Variants in RAPGEFL1 observed in about 807,000 individuals in gnomAD.
RAPGEFL1 encodes Rap guanine nucleotide exchange factor like 1.
In RAPGEFL1, 31 loss-of-function variants were observed where a neutral mutation model predicts 64.4. The observed-to-expected ratio is 0.48, with a 90% CI of 0.36 to 0.65. The LOEUF is 0.65. Ranked by LOEUF, RAPGEFL1 falls within the 30% of genes least tolerant of loss-of-function variation. The pLI is 0.00. For missense variants in RAPGEFL1, 682 were observed against 677.4 expected, an observed-to-expected ratio of 1.01 and a Z score of -0.08; for synonymous variants, 331 against 274.1, an observed-to-expected ratio of 1.21 and a Z score of -2.05.
intron 4 of RAPGEFL1, among the ~76,000 whole-genome samples, chr17:40,187,538 C>T (rs1043047356): frequency 2.0e-5 from 3 of 152,056 alleles, no homozygotes; most frequent in Non-Finnish European, 4.4e-5. Flanking sequence ...CCATCCATGA[C>T]ACCTCAACTC....
rs756412061 is a variant in RAPGEFL1, at chr17:40,184,214, C to T, written c.600C>T (p.Tyr200=). 1.9e-6 allele frequency: 3 copies of T among 1,606,148 alleles called. No homozygotes were observed. The highest frequency in any genetic ancestry group is 2.7e-5 in the African/African-American group (2 of 74,686). The change falls in exon 3 of 15, where the codon TAC becomes TAT. Residue 200 remains tyrosine, a splice_region_variant and synonymous_variant. Transcript: ENST00000620260. ...TEKFLQELHQ[Y]FVRAGGMEGP... Reference sequence around the variant, plus strand: ...GGATTTTTCTTAACTTAAGGGTCAGCTTTGTTCGGGCAGGAGGCATGGAGG... The same window carrying T: ...GGATTTTTCTTAACTTAAGGGTCAGTTTTGTTCGGGCAGGAGGCATGGAGG...
chr17:40,192,750 C>T (rs891007034), intron 12 of RAPGEFL1, 57 bp downstream of exon 12: 42 of 1,524,578 alleles, frequency 2.8e-5, no homozygotes, highest in Non-Finnish European at 3.5e-5. Context: ...TTCTCCTATG[C>T]CCTGCTTCTG....
chr17:40,193,489 C>G (rs62065226), intron 14 of RAPGEFL1, 72 bp downstream of exon 14: 78,611 of 1,590,680 alleles, frequency 0.049, 2,200 homozygotes, highest in Non-Finnish European at 0.056. Context: ...GGGAGAACTC[C>G]CTGTCCAGAT....
chr17:40,181,549 C>A lies in RAPGEFL1; in HGVS notation c.521-67C>A, dbSNP rs1989894683. 7 of 697,282 alleles carry A rather than the reference C, an allele frequency of 1.0e-5. No individual in the cohort carries two copies. The South Asian group carries it at 1.0e-4, about 10-fold the overall frequency. 43.2% of individuals were successfully genotyped at this position (697,282 alleles called of 1,614,324 possible). A position where few individuals can be genotyped will look rare whatever the true frequency, so the allele number is the denominator to read the frequency against. ...TGCCCTTAGGGGCAAGAGAGGGAGG[C>A]ACTGCATTTCCAGTTTCGTTCTGGA... is the stretch of plus-strand genomic sequence containing the variant. On this transcript the variant is annotated intron_variant, in intron 1 of 14. Coordinates refer to ENST00000620260, the MANE Select transcript of RAPGEFL1 (RefSeq NM_016339.6).
upstream of RAPGEFL1, chr17:40,177,152 G>C (rs1281250878): frequency 4.3e-6 from 3 of 702,496 alleles, no homozygotes; most frequent in South Asian, 4.4e-5. Context: ...ACACTCTTGG[G>C]TTCAGCAATC....
rs79118406 is a variant in RAPGEFL1 at position 40,184,676 on chromosome 17, A to G, written c.831A>G (p.Leu277=). The G allele has an allele frequency of 1.5e-3, 2,420 of 1,562,174 alleles. 53 individuals are homozygous for G. In the East Asian group the frequency reaches 0.051, roughly 33 times the overall value. Residue 277 remains leucine, a splice_region_variant and synonymous_variant, in exon 4 of 15, where the codon CTA becomes CTG. Coordinates refer to ENST00000620260, the MANE Select transcript of RAPGEFL1 (RefSeq NM_016339.6). ...ACCAGCTGGTGGAGACGGTGGAACT[A>G]AAGTGAGGGGGAGTGGGGCAGGGGC... The part of the protein sequence containing the change: ...RLHQLVETVE[L]KIPEENQPPS...
chr17:40,194,276 T>TGTGTGC lies in RAPGEFL1; in HGVS notation c.*493_*494insCGTGTG, dbSNP rs1990386649. Reference sequence around the variant, plus strand: ...GTGTGTGTGTGTGTGTGTGTGTGTGTGTGTGTGTGTGTGTCTTCTTTTAGG... The same window carrying TGTGTGC: ...GTGTGTGTGTGTGTGTGTGTGTGTGTGTGTGCGTGTGTGTGTGTGTCTTCTTTTAGG... On this transcript the variant is annotated 3_prime_UTR_variant, in exon 15 of 15. Coordinates refer to ENST00000620260, the MANE Select transcript of RAPGEFL1 (RefSeq NM_016339.6). 1 of 169,350 alleles carries TGTGTGC rather than the reference T, an allele frequency of 5.9e-6. No individual in the cohort carries two copies. The highest frequency in any genetic ancestry group is 1.2e-5 in the Non-Finnish European group (1 of 80,274). 10.5% of individuals were successfully genotyped at this position (169,350 alleles called of 1,614,324 possible).
chr17:40,193,861 C>A lies in RAPGEFL1; in HGVS notation c.*73C>A. On this transcript the variant is annotated 3_prime_UTR_variant, in exon 15 of 15. Coordinates refer to ENST00000620260, the MANE Select transcript of RAPGEFL1 (RefSeq NM_016339.6). The stretch of plus-strand genomic sequence containing the variant: ...TCAAGCACTTTGCACGATGTCTCAA[C>A]CAACATCTGACATCTTTCCCGTGGA... The A allele has an allele frequency of 1.3e-6, 2 of 1,593,984 alleles. No individual in the cohort carries two copies. Among genetic ancestry groups the A allele is most frequent in the Non-Finnish European group, 1.7e-6 (2 of 1,166,984 alleles).
chr17:40,183,257 C>T (rs989081003), intron 2 of RAPGEFL1, among the ~76,000 whole-genome samples: 6 of 152,140 alleles, frequency 3.9e-5, no homozygotes, highest in Admixed American at 2.0e-4. Flanking sequence ...ATTTATTAGG[C>T]GCACTGTGAG....
intron 13 of RAPGEFL1, 107 bp from the exon 14 acceptor site, chr17:40,193,256 G>A: frequency 8.0e-7 from 1 of 1,256,270 alleles, no homozygotes; most frequent in Non-Finnish European, 1.2e-6. Flanking sequence ...CTCCAGAATT[G>A]GAGACTGGAG....
intron 11 of RAPGEFL1, 75 bp downstream of exon 11, chr17:40,192,338 C>A: frequency 3.4e-6 from 5 of 1,484,820 alleles, no homozygotes; most frequent in Non-Finnish European, 3.8e-6. Flanking sequence ...AACCCCCTTC[C>A]TCAAGCTTTC....
chr17:40,183,835 CTTTTTTTTTTTT>C (rs34505274), intron 2 of RAPGEFL1, among the ~76,000 whole-genome samples: 12 of 56,874 alleles, frequency 2.1e-4, no homozygotes, highest in East Asian at 5.4e-4. Context: ...TTTTTTTTGC[CTTTTTTTTTTTT>C]TTTTTTTTTT....
chr17:40,182,093 G>A (rs1010896235), intron 2 of RAPGEFL1, among the ~76,000 whole-genome samples: 1 of 151,200 alleles, frequency 6.6e-6, no homozygotes, highest in Admixed American at 6.6e-5. Context: ...AAAAAAAAAA[G>A]AAAAGAAAAC....
At position 40,181,665 on chromosome 17, in the gene RAPGEFL1, G is replaced by A. The variant is rs1286183287; in HGVS notation, c.570G>A (p.Thr190=). 1.4e-6 allele frequency: 1 copy of A among 702,752 alleles called. No homozygotes were observed. The highest frequency in any genetic ancestry group is 2.6e-6 in the Non-Finnish European group (1 of 384,858). The allele number at this position is 702,752 out of a possible 1,614,324, so 43.5% of individuals were successfully genotyped here. Residue 190 remains threonine, a synonymous_variant, in exon 2 of 15, where the codon ACG becomes ACA. Transcript: ENST00000620260. The stretch of plus-strand genomic sequence containing the variant: ...TTACCCATTCTCTCTTCCTCCCGAC[G>A]GAGAAATTTCTGCAGGAGCTACACC... ...IVLTHSLFLP[T]EKFLQELHQY... is the part of the protein sequence containing the mutation.
At position 40,177,796 on chromosome 17, in the gene RAPGEFL1, C is replaced by A. The variant is rs1008285890; in HGVS notation, c.-66C>A. On this transcript the variant is annotated 5_prime_UTR_variant, in exon 1 of 15. Coordinates refer to ENST00000620260, the MANE Select transcript of RAPGEFL1 (RefSeq NM_016339.6). The stretch of plus-strand genomic sequence containing the variant: ...GCTCTGAGCATCGTGTCTTCGCCGC[C>A]CCCCCCGCCCGCGCCTGGGATACCT... 33 of 410,506 alleles carry A rather than the reference C, an allele frequency of 8.0e-5. No individual in the cohort carries two copies. Among genetic ancestry groups the A allele is most frequent in the Non-Finnish European group, 4.7e-5 (11 of 232,758 alleles). 25.4% of individuals were successfully genotyped at this position (410,506 alleles called of 1,614,324 possible).
Position 40,192,196 on chromosome 17 carries a change from TC to T in RAPGEFL1, c.1606-15del, listed in dbSNP as rs1163548206. ...GCTCCACTCTGATATCCCTTCTCCT[TC>T]CTTCAAACTCTGCAGAAGCTGCCAG... On this transcript the variant is annotated splice_polypyrimidine_tract_variant and intron_variant, in intron 10 of 14. Transcript: ENST00000620260. 1 of 1,612,248 alleles carries T rather than the reference TC, an allele frequency of 6.2e-7. No homozygotes were observed. The highest frequency in any genetic ancestry group is 2.2e-5 in the East Asian group (1 of 44,870).
chr17:40,179,558 G>A (rs774298539), intron 1 of RAPGEFL1, among the ~76,000 whole-genome samples: 1 of 150,358 alleles, frequency 6.7e-6, no homozygotes, highest in Non-Finnish European at 1.5e-5. Context: ...ACCCTGAGAA[G>A]CTTATTCCCT....
In RAPGEFL1 at chr17:40,177,768, C is replaced by A; in HGVS notation, c.-94C>A. 1 of 411,892 alleles carries A rather than the reference C, an allele frequency of 2.4e-6. No homozygotes were observed. Among genetic ancestry groups the A allele is most frequent in the Non-Finnish European group, 4.3e-6 (1 of 234,692 alleles). 25.5% of individuals were successfully genotyped at this position (411,892 alleles called of 1,614,324 possible). A position where few individuals can be genotyped will look rare whatever the true frequency, so the allele number is the denominator to read the frequency against. Reference sequence around the variant, plus strand: ...TGGCACGGCCCTCTACTCTGCTCCTCCAGCTCTGAGCATCGTGTCTTCGCC... The same window carrying A: ...TGGCACGGCCCTCTACTCTGCTCCTACAGCTCTGAGCATCGTGTCTTCGCC... On this transcript the variant is annotated 5_prime_UTR_variant, in exon 1 of 15. Transcript: ENST00000620260.
At position 40,190,431 on chromosome 17, in the gene RAPGEFL1, C is replaced by T. The variant is rs2145220775; in HGVS notation, c.1115-3C>T. The T allele has an allele frequency of 1.2e-6, 2 of 1,613,454 alleles. No individual in the cohort carries two copies. The highest frequency in any genetic ancestry group is 1.3e-5 in the African/African-American group (1 of 75,016). ...CGAGGATGAGCAGCTCTTTCTCCTG[C>T]AGAGAAGGTCCTTCTCCAGCCCACT... On this transcript the variant is annotated splice_polypyrimidine_tract_variant and splice_region_variant and intron_variant, in intron 6 of 14. Coordinates refer to ENST00000620260, the MANE Select transcript of RAPGEFL1 (RefSeq NM_016339.6).
Sources: gnomAD v4.1 joint callset for allele counts (sites outside exome capture counted in the v4.1 genomes callset) on GRCh38, gnomAD v4.1.1 for gene constraint, MANE v1.5 for transcripts, NCBI Gene and HGNC (gene_info 2026-07-23, HGNC 2026-07-21) for gene names.